ISX: variants seen among roughly 807,000 people sequenced by gnomAD.
The protein encoded by ISX is intestine-specific homeobox.
A neutral mutation model predicts 16.9 loss-of-function variants in ISX; 15 were observed. That is an observed-to-expected ratio of 0.89 (90% CI 0.59 to 1.36). The LOEUF (loss-of-function observed/expected upper bound fraction) is 1.36, where lower values mean the gene tolerates loss of function less well. ISX is among the 40% of genes most tolerant of loss of function. The probability of loss-of-function intolerance (pLI) is 0.00; values close to 1 mark genes in which losing one functional copy is unlikely to be tolerated. For missense variants in ISX, 316 were observed against 306.1 expected (o/e 1.03, Z -0.24); for synonymous variants, 125 against 119.7 (o/e 1.04, Z -0.29).
intron 2 of ISX, among the ~76,000 whole-genome samples, chr22:35,078,824 C>T (rs146885993): frequency 2.8e-4 from 43 of 152,340 alleles, no homozygotes; most frequent in African/African-American, 9.9e-4. Flanking sequence ...CAAGTAAACG[C>T]GTTCTGCAGG....
At chr22:35,077,799 C>T (rs1929023849) in intron 2 of ISX, among the ~76,000 whole-genome samples, 1 of 152,214 alleles carries the variant, frequency 6.6e-6, no homozygotes, top group African/African-American at 2.4e-5. Flanking sequence ...TTTCCTTCTT[C>T]ACCCCACCTC....
intron 2 of ISX, among the ~76,000 whole-genome samples, chr22:35,072,598 T>C (rs987457900): frequency 2.0e-5 from 3 of 152,116 alleles, no homozygotes; most frequent in African/African-American, 7.2e-5. Flanking sequence ...ACTACAATCA[T>C]AGGGCCCAGA....
Position 35,086,712 on chromosome 22 carries a change from T to G in ISX, c.*1019T>G, listed in dbSNP as rs1221906978. The G allele has an allele frequency of 6.6e-6, 1 of 152,226 alleles. No homozygotes were observed. The highest frequency in any genetic ancestry group is 1.5e-5 in the Non-Finnish European group (1 of 68,050). The allele number at this position is 152,226 out of a possible 1,614,324, so 9.4% of individuals were successfully genotyped here. A position where few individuals can be genotyped will look rare whatever the true frequency, so the allele number is the denominator to read the frequency against. On this transcript the variant is annotated 3_prime_UTR_variant, in exon 5 of 5. Transcript: ENST00000404699. ...TTTGCAAAGTGAGGGCAAGGCCCAG[T>G]GTGGAGTGATATTGTTATTCCAAGA... is the stretch of plus-strand genomic sequence containing the variant.
Position 35,067,135 on chromosome 22 carries a change from T to C in ISX, c.48T>C (p.Asn16=). 6.2e-7 allele frequency: 1 copy of C among 1,614,006 alleles called. No individual in the cohort carries two copies. Among genetic ancestry groups the C allele is most frequent in the South Asian group, 1.1e-5 (1 of 91,042 alleles). The stretch of plus-strand genomic sequence containing the variant: ...CTCTCTGCAGGGGTATGGAGAGAAA[T>C]AGCTTGGGGTGCTGTGAGGCCCCGA... ...GPALCRGMER[N]SLGCCEAPKK... Residue 16 remains asparagine (N), a synonymous_variant, in exon 2 of 5, where the codon AAT becomes AAC. Coordinates refer to ENST00000404699, the MANE Select transcript of ISX (RefSeq NM_001303508.2).
intron 2 of ISX, among the ~76,000 whole-genome samples, chr22:35,068,429 G>A (rs139869514): frequency 3.3e-4 from 51 of 152,344 alleles, no homozygotes; most frequent in African/African-American, 1.1e-3. Context: ...AGGCAGGAAG[G>A]AGCCTGGTGT....
At chr22:35,076,164 T>C (rs1928975422) in intron 2 of ISX, among the ~76,000 whole-genome samples, 1 of 151,708 alleles carries the variant, frequency 6.6e-6, no homozygotes, top group Non-Finnish European at 1.5e-5. Context: ...TAAAGAAATA[T>C]TTGATTGATT....
intron 2 of ISX, among the ~76,000 whole-genome samples, chr22:35,078,982 A>C (rs780988445): frequency 2.0e-5 from 3 of 152,234 alleles, no homozygotes; most frequent in Non-Finnish European, 4.4e-5. Flanking sequence ...TGAGGCCCAG[A>C]TAATGAATCC....
At chr22:35,074,739 A>G (rs746158574) in intron 2 of ISX, among the ~76,000 whole-genome samples, 1 of 152,226 alleles carries the variant, frequency 6.6e-6, no homozygotes, top group Non-Finnish European at 1.5e-5. Flanking sequence ...AACAAGTTCT[A>G]GGACACTTCC....
intron 3 of ISX, among the ~76,000 whole-genome samples, chr22:35,083,244 C>T (rs1285347937): frequency 6.6e-6 from 1 of 152,072 alleles, no homozygotes; most frequent in Non-Finnish European, 1.5e-5. Context: ...ATTCTTAGTT[C>T]ATGAACCATT....
intron 2 of ISX, among the ~76,000 whole-genome samples, chr22:35,072,126 T>G (rs1928869505): frequency 1.3e-5 from 2 of 152,336 alleles, no homozygotes; most frequent in Admixed American, 1.3e-4. Context: ...CTTCCTCCAA[T>G]GGACTCCATC....
At chr22:35,084,601 G>T in intron 4 of ISX, 102 bp downstream of exon 4, 2 of 690,256 alleles carry the variant, frequency 2.9e-6, no homozygotes, top group Non-Finnish European at 4.8e-6. Context: ...TCTGTCTACA[G>T]GAAAAAGTGC....
rs1569110004 is a variant in ISX at position 35,067,025 on chromosome 22, G to A, written c.-63G>A. 256 of 1,301,972 alleles carry A rather than the reference G, an allele frequency of 2.0e-4. 4 individuals are homozygous for A. The South Asian group carries it at 3.2e-3, about 16-fold the overall frequency. The allele number at this position is 1,301,972 out of a possible 1,614,324, so 80.7% of individuals were successfully genotyped here. Reference sequence around the variant, plus strand: ...CTTGACCCCAGGAGGTTCAGGGGAGGAAGTACGCCACTCTCCACTGGCACC... The same window carrying A: ...CTTGACCCCAGGAGGTTCAGGGGAGAAAGTACGCCACTCTCCACTGGCACC... On this transcript the variant is annotated 5_prime_UTR_variant, in exon 2 of 5. Transcript: ENST00000404699.
intron 2 of ISX, among the ~76,000 whole-genome samples, chr22:35,068,669 A>C (rs1928770832): frequency 1.3e-5 from 2 of 152,316 alleles, no homozygotes; most frequent in African/African-American, 2.4e-5. Flanking sequence ...GGCAGGCTTC[A>C]GAAAGGAAAC....
At position 35,086,916 on chromosome 22, in the gene ISX, T is replaced by A. The variant is rs1289887354; in HGVS notation, c.*1223T>A. ...CCTGGAATGACCTCTTGCACAAGCC[T>A]AAATTCCAGGAATCTTCCCCAAATC... On this transcript the variant is annotated 3_prime_UTR_variant, in exon 5 of 5. Coordinates refer to ENST00000404699, the MANE Select transcript of ISX (RefSeq NM_001303508.2). 6.6e-6 allele frequency: 1 copy of A among 152,166 alleles called. No homozygotes were observed. Among genetic ancestry groups the A allele is most frequent in the African/African-American group, 2.4e-5 (1 of 41,388 alleles). The allele number at this position is 152,166 out of a possible 1,614,324, so 9.4% of individuals were successfully genotyped here.
In ISX at chr22:35,087,005, G is replaced by C. The variant is rs1929272125; in HGVS notation, c.*1312G>C. ...CAGGAGTTGGACCGGGAGTTGGGAAGCCTAGGTCTTAGTCCTACACTCCTT... is the reference window on the plus strand; with the variant it reads ...CAGGAGTTGGACCGGGAGTTGGGAACCCTAGGTCTTAGTCCTACACTCCTT... On this transcript the variant is annotated 3_prime_UTR_variant, in exon 5 of 5. Coordinates refer to ENST00000404699, the MANE Select transcript of ISX (RefSeq NM_001303508.2). 1 of 152,286 alleles carries C rather than the reference G, an allele frequency of 6.6e-6. No individual in the cohort carries two copies. Among genetic ancestry groups the C allele is most frequent in the East Asian group, 1.9e-4 (1 of 5,202 alleles). 9.4% of individuals were successfully genotyped at this position (152,286 alleles called of 1,614,324 possible).
chr22:35,084,471 T>C lies in ISX; in HGVS notation c.470T>C (p.Val157Ala), dbSNP rs1351963145. 6.2e-7 allele frequency: 1 copy of C among 1,613,010 alleles called. No individual in the cohort carries two copies. Among genetic ancestry groups the C allele is most frequent in the East Asian group, 2.2e-5 (1 of 44,806 alleles). Residue 157 changes from valine to alanine, a missense_variant, in exon 4 of 5, where the codon GTG becomes GCG. Transcript: ENST00000404699. Reference sequence around the variant, plus strand: ...CCACAGCAGCTGAGTGAAGCCAGTGTGGCCCTGCCCACAAATCTGGATGTG... The same window carrying C: ...CCACAGCAGCTGAGTGAAGCCAGTGCGGCCCTGCCCACAAATCTGGATGTG... ...GAPQQLSEAS[V>A]ALPTNLDVAG...
At chr22:35,080,290 T>C (rs1601560365) in intron 2 of ISX, among the ~76,000 whole-genome samples, 1 of 152,232 alleles carries the variant, frequency 6.6e-6, no homozygotes, top group Non-Finnish European at 1.5e-5. Flanking sequence ...AGGTCCTTAA[T>C]TTGAACCTCA....
Position 35,086,137 on chromosome 22 carries a change from C to A in ISX, c.*444C>A, listed in dbSNP as rs1279097774. ...GGAGGCCAAGGAGAGGTTGTTTGTT[C>A]ATGCATGCATTCATCCGTGACACAT... On this transcript the variant is annotated 3_prime_UTR_variant, in exon 5 of 5. Transcript: ENST00000404699. The A allele has an allele frequency of 7.8e-6, 2 of 254,800 alleles. No individual in the cohort carries two copies. Among genetic ancestry groups the A allele is most frequent in the Non-Finnish European group, 1.5e-5 (2 of 130,452 alleles). The allele number at this position is 254,800 out of a possible 1,614,324, so 15.8% of individuals were successfully genotyped here.
At chr22:35,081,118 G>T (rs746750630) in intron 2 of ISX, among the ~76,000 whole-genome samples, 17 of 152,226 alleles carry the variant, frequency 1.1e-4, no homozygotes, top group Admixed American at 4.6e-4. Flanking sequence ...GGGCTAGAAA[G>T]ATTAGGAAAT....
Sources: gnomAD v4.1 joint callset for allele counts (sites outside exome capture counted in the v4.1 genomes callset) on GRCh38, gnomAD v4.1.1 for gene constraint, MANE v1.5 for transcripts, NCBI Gene and HGNC (gene_info 2026-07-23, HGNC 2026-07-21) for gene names.